Variants in RAD54L2 observed in about 807,000 individuals in gnomAD.
RAD54L2 encodes RAD54 like 2, also known as helicase ARIP4.
A neutral mutation model predicts 138.4 loss-of-function variants in RAD54L2; 27 were observed. The ratio of observed to expected loss-of-function variants is 0.20; its 90% CI spans 0.14 to 0.27. RAD54L2 has a LOEUF of 0.27. Ranked by LOEUF, RAD54L2 falls within the 10% of genes least tolerant of loss-of-function variation. The pLI is 1.00. For missense variants in RAD54L2, 1,396 were observed against 1,890.2 expected (o/e 0.74, Z 4.85); for synonymous variants, 644 against 723.2 (o/e 0.89, Z 1.76).
chr3:51,589,610 G>A (rs188321354), intron 2 of RAD54L2, among the ~76,000 whole-genome samples: 17 of 151,876 alleles, frequency 1.1e-4, no homozygotes, highest in Middle Eastern at 3.4e-3. Context: ...TCTACTGAAT[G>A]TGTGTCATTT....
chr3:51,655,238 C>A (rs1412385985), intron 19 of RAD54L2, among the ~76,000 whole-genome samples: 1 of 151,660 alleles, frequency 6.6e-6, no homozygotes, highest in Non-Finnish European at 1.5e-5. Flanking sequence ...GGCCCAAAGA[C>A]GAAAGATGCA....
chr3:51,595,441 T>C (rs768300970), intron 3 of RAD54L2, among the ~76,000 whole-genome samples: 1 of 152,150 alleles, frequency 6.6e-6, no homozygotes, highest in Non-Finnish European at 1.5e-5. Context: ...CCCAGGAAGA[T>C]CATGAGATCT....
Position 51,627,639 on chromosome 3 carries a change from T to A in RAD54L2, c.226T>A (p.Ser76Thr). 1 of 1,593,980 alleles carries A rather than the reference T, an allele frequency of 6.3e-7. No individual in the cohort carries two copies. Among genetic ancestry groups the A allele is most frequent in the Non-Finnish European group, 8.5e-7 (1 of 1,170,780 alleles). The part of the protein sequence containing the change: ...QQPPRCTSTT[S>T]SQSEPSEQLR... ...GCCGCCGCGGTGCACTTCAACTACC[T>A]CATCTCAGTCTGAGCCTTCAGAGCA... Residue 76 changes from serine to threonine, a missense_variant, in exon 4 of 23, where the codon TCA becomes ACA. Around this residue, in one of 7 missense-constraint regions of RAD54L2, gnomAD observed 256 missense variants for 344.6 expected, o/e 0.74. Coordinates refer to ENST00000684192, the MANE Select transcript of RAD54L2 (RefSeq NM_015106.4).
intron 2 of RAD54L2, among the ~76,000 whole-genome samples, chr3:51,575,760 G>A (rs1699466849): frequency 6.6e-6 from 1 of 152,092 alleles, no homozygotes; most frequent in South Asian, 2.1e-4. Context: ...GAGACAATGG[G>A]GTTTTCTAAG....
chr3:51,636,715 T>C (rs530936246), intron 10 of RAD54L2, among the ~76,000 whole-genome samples: 150 of 152,152 alleles, frequency 9.9e-4, no homozygotes, highest in African/African-American at 3.5e-3. Context: ...AGGCAGATCA[T>C]GAGGTCAGGA....
At chr3:51,539,294 T>C (rs1051396441) in intron 1 of RAD54L2, among the ~76,000 whole-genome samples, 21 of 152,110 alleles carry the variant, frequency 1.4e-4, no homozygotes, top group Admixed American at 2.6e-4. Context: ...TTTTAGGGGC[T>C]TCTGTGTGTC....
Position 51,645,509 on chromosome 3 carries a change from TA to T in RAD54L2, c.2657-81del. The T allele has an allele frequency of 7.3e-7, 1 of 1,360,932 alleles. No homozygotes were observed. Among genetic ancestry groups the T allele is most frequent in the Non-Finnish European group, 9.9e-7 (1 of 1,005,430 alleles). 84.3% of individuals were successfully genotyped at this position (1,360,932 alleles called of 1,614,324 possible). A position where few individuals can be genotyped will look rare whatever the true frequency, so the allele number is the denominator to read the frequency against. On this transcript the variant is annotated intron_variant, in intron 17 of 22. Transcript: ENST00000684192. The surrounding 1 kb of genome is among the most constrained non-coding windows in gnomAD (Gnocchi z 6.1). ...TCAGACCTAGTCTTTGACTTTCAGA[TA>T]TGGGATGACTTTTCATTATTAGTGA...
Position 51,590,435 on chromosome 3 carries a change from T to C in RAD54L2, c.15T>C (p.Ser5=). ...CTCTGGGAGCCATGTCAGACGAATCTGCCTCAGGGAGCGATCCAGACCTGG... is the reference window on the plus strand; with the variant it reads ...CTCTGGGAGCCATGTCAGACGAATCCGCCTCAGGGAGCGATCCAGACCTGG... MSDE[S]ASGSDPDLDP... is the part of the protein sequence containing the mutation. Residue 5 remains serine, a synonymous_variant, in exon 3 of 23, where the codon TCT becomes TCC. Coordinates refer to ENST00000684192, the MANE Select transcript of RAD54L2 (RefSeq NM_015106.4). 1 of 1,542,320 alleles carries C rather than the reference T, an allele frequency of 6.5e-7. No homozygotes were observed. Among genetic ancestry groups the C allele is most frequent in the Non-Finnish European group, 8.8e-7 (1 of 1,140,918 alleles).
intron 2 of RAD54L2, among the ~76,000 whole-genome samples, chr3:51,588,838 C>T (rs1699772407): frequency 6.6e-6 from 1 of 152,154 alleles, no homozygotes; most frequent in Non-Finnish European, 1.5e-5. Flanking sequence ...GTAAAACATA[C>T]TTCTAGCTCC....
intron 2 of RAD54L2, among the ~76,000 whole-genome samples, chr3:51,554,286 G>C (rs1698912078): frequency 6.6e-6 from 1 of 151,576 alleles, no homozygotes; most frequent in South Asian, 2.1e-4. Flanking sequence ...AGAATCTCTT[G>C]AACCCTGGAA....
At chr3:51,546,335 T>C (rs1698693855) in intron 2 of RAD54L2, among the ~76,000 whole-genome samples, 2 of 152,042 alleles carry the variant, frequency 1.3e-5, no homozygotes, top group African/African-American at 4.8e-5. Flanking sequence ...TAAAAGTTGA[T>C]ATCAGATAAA....
At chr3:51,646,572 C>T in intron 19 of RAD54L2, 91 bp downstream of exon 19, 1 of 1,286,708 alleles carries the variant, frequency 7.8e-7, no homozygotes. Context: ...GAGCCTACAA[C>T]TTGTTCCTTG....
At chr3:51,562,509 C>T (rs138487446) in intron 2 of RAD54L2, among the ~76,000 whole-genome samples, 81 of 152,200 alleles carry the variant, frequency 5.3e-4, no homozygotes, top group Middle Eastern at 3.4e-3. Context: ...GGATTATAGG[C>T]GTGAGCCACT....
At chr3:51,597,228 C>G (rs1412735436) in intron 3 of RAD54L2, among the ~76,000 whole-genome samples, 1 of 123,698 alleles carries the variant, frequency 8.1e-6, no homozygotes, top group Admixed American at 8.0e-5. Context: ...AATTTTATAA[C>G]AAATCAAAGT....
intron 2 of RAD54L2, among the ~76,000 whole-genome samples, chr3:51,582,443 T>C (rs905940547): frequency 6.6e-6 from 1 of 152,142 alleles, no homozygotes; most frequent in South Asian, 2.1e-4. Context: ...TGTTTGTGTG[T>C]GTGTGAGTGA....
At chr3:51,625,413 C>T (rs1700657126) in intron 3 of RAD54L2, among the ~76,000 whole-genome samples, 1 of 151,932 alleles carries the variant, frequency 6.6e-6, no homozygotes, top group Non-Finnish European at 1.5e-5. Context: ...AGTGAAACTC[C>T]ATCTCAACCA....
chr3:51,656,292 A>G, intron 20 of RAD54L2, 122 bp downstream of exon 20: 1 of 902,986 alleles, frequency 1.1e-6, no homozygotes, highest in Non-Finnish European at 1.6e-6. Context: ...CACTCTTGGT[A>G]AAAAATAGGG....
chr3:51,569,387 A>AT (rs1024949196), intron 2 of RAD54L2, among the ~76,000 whole-genome samples: 214 of 144,154 alleles, frequency 1.5e-3, no homozygotes, highest in Admixed American at 1.6e-3. Context: ...TGTTGATTCT[A>AT]TTTTTTTTTT....
chr3:51,539,876 G>T (rs553858780), intron 1 of RAD54L2, among the ~76,000 whole-genome samples: 14 of 152,268 alleles, frequency 9.2e-5, no homozygotes, highest in Non-Finnish European at 1.9e-4. Flanking sequence ...GTTATGTGGG[G>T]CTGGATGAGT....
Sources: gnomAD v4.1 joint callset for allele counts (sites outside exome capture counted in the v4.1 genomes callset) on GRCh38, gnomAD v4.1.1 for gene constraint, gnomAD v4.1.1 regional missense constraint, Gnocchi (gnomAD v3.1) non-coding constraint, MANE v1.5 for transcripts, NCBI Gene and HGNC (gene_info 2026-07-23, HGNC 2026-07-21) for gene names.